RIMS2: variants seen among roughly 807,000 people sequenced by gnomAD.
RIMS2 encodes regulating synaptic membrane exocytosis 2, also known as regulating synaptic membrane exocytosis protein 2.
Under a neutral mutation model 174.4 loss-of-function variants are expected in RIMS2, and 59 were observed. That is an observed-to-expected ratio of 0.34 (90% CI 0.27 to 0.42). RIMS2 has a LOEUF of 0.42. Ranked by LOEUF, RIMS2 falls within the 10% of genes least tolerant of loss-of-function variation. RIMS2 has a pLI of 1.00. For missense variants in RIMS2, 1,620 were observed against 1,666.3 expected, an observed-to-expected ratio of 0.97 and a Z score of 0.48; for synonymous variants, 606 against 572.5, an observed-to-expected ratio of 1.06 and a Z score of -0.84.
At chr8:103,570,957 C>G (rs958980182) in intron 1 of RIMS2, among the ~76,000 whole-genome samples, 1 of 152,154 alleles carries the variant, frequency 6.6e-6, no homozygotes, top group Non-Finnish European at 1.5e-5. Flanking sequence ...ATACCAATGA[C>G]ACAAAATAAA....
At chr8:104,241,447 C>A (rs527874494) in intron 19 of RIMS2, among the ~76,000 whole-genome samples, 2 of 152,160 alleles carry the variant, frequency 1.3e-5, no homozygotes, top group Non-Finnish European at 2.9e-5. Flanking sequence ...TGCTGGTTCT[C>A]ATAACCCTAT....
chr8:104,089,096 A>T (rs1425152790), intron 19 of RIMS2, among the ~76,000 whole-genome samples: 1 of 151,950 alleles, frequency 6.6e-6, no homozygotes, highest in Non-Finnish European at 1.5e-5. Flanking sequence ...AATGATCTTT[A>T]ATCGGAGCAC....
chr8:103,632,671 T>C (rs1455465010), intron 1 of RIMS2, among the ~76,000 whole-genome samples: 1 of 151,884 alleles, frequency 6.6e-6, no homozygotes, highest in Non-Finnish European at 1.5e-5. Flanking sequence ...CCTGCCCACC[T>C]TGGCCTCCCA....
chr8:103,525,189 G>A (rs977903761), intron 1 of RIMS2, among the ~76,000 whole-genome samples: 16 of 151,786 alleles, frequency 1.1e-4, no homozygotes, highest in Admixed American at 1.0e-3. Flanking sequence ...TCTTTTTTTT[G>A]TGGTCAAATG....
At chr8:104,154,508 T>C (rs1184858004) in intron 19 of RIMS2, among the ~76,000 whole-genome samples, 1 of 152,250 alleles carries the variant, frequency 6.6e-6, no homozygotes, top group Non-Finnish European at 1.5e-5. Context: ...GATTACTGGA[T>C]AGCACAGTTA....
At chr8:103,737,555 T>C (rs1320025285) in intron 2 of RIMS2, among the ~76,000 whole-genome samples, 1 of 152,104 alleles carries the variant, frequency 6.6e-6, no homozygotes, top group Non-Finnish European at 1.5e-5. Flanking sequence ...TAGGATGGTA[T>C]TTTTCAAAAT....
chr8:103,527,017 A>G (rs1404539860), intron 1 of RIMS2, among the ~76,000 whole-genome samples: 1 of 152,216 alleles, frequency 6.6e-6, no homozygotes, highest in Non-Finnish European at 1.5e-5. Flanking sequence ...CCAGAGGGAA[A>G]ATGTAGCCAT....
chr8:104,060,252 G>A (rs1198712431), intron 19 of RIMS2, among the ~76,000 whole-genome samples: 21 of 150,894 alleles, frequency 1.4e-4, no homozygotes, highest in African/African-American at 4.9e-4. Context: ...TTCAGAGCCT[G>A]TTATTGGTCT....
At chr8:103,890,749 A>G (rs2099239370) in intron 4 of RIMS2, among the ~76,000 whole-genome samples, 1 of 151,926 alleles carries the variant, frequency 6.6e-6, no homozygotes, top group Non-Finnish European at 1.5e-5. Flanking sequence ...CTAATGTCAT[A>G]GTATTTCTGA....
chr8:104,106,037 C>CAAAAAAAAAAAAAAA (rs575916023), intron 19 of RIMS2, among the ~76,000 whole-genome samples: 19 of 56,914 alleles, frequency 3.3e-4, no homozygotes, highest in East Asian at 1.8e-3. Flanking sequence ...GACTCTGCCA[C>CAAAAAAAAAAAAAAA]AAAAAAAAAA....
chr8:103,767,766 G>A (rs1475280313), intron 3 of RIMS2, among the ~76,000 whole-genome samples: 1 of 152,186 alleles, frequency 6.6e-6, no homozygotes, highest in Non-Finnish European at 1.5e-5. Flanking sequence ...GACTGCACCA[G>A]TTCTTTTGCA....
chr8:103,869,070 C>A (rs1412718392), intron 3 of RIMS2, among the ~76,000 whole-genome samples: 3 of 151,882 alleles, frequency 2.0e-5, no homozygotes, highest in Non-Finnish European at 4.4e-5. Context: ...GATAGTTTCC[C>A]TGATATATGC....
intron 19 of RIMS2, among the ~76,000 whole-genome samples, chr8:104,184,203 A>G (rs1263472846): frequency 1.3e-5 from 2 of 151,698 alleles, no homozygotes; most frequent in Non-Finnish European, 3.0e-5. Flanking sequence ...AAACAAAGTA[A>G]CAATGTTATT....
At chr8:104,206,674 C>A (rs778700727) in intron 19 of RIMS2, among the ~76,000 whole-genome samples, 18 of 152,322 alleles carry the variant, frequency 1.2e-4, no homozygotes, top group South Asian at 2.1e-4. Context: ...CCAAGCATGG[C>A]TTACAGCTAG....
intron 19 of RIMS2, among the ~76,000 whole-genome samples, chr8:104,163,769 C>A (rs2441874): frequency 6.6e-6 from 1 of 151,980 alleles, no homozygotes; most frequent in East Asian, 1.9e-4. Context: ...TGGTTTTGAT[C>A]TTGTAATGTG....
intron 1 of RIMS2, among the ~76,000 whole-genome samples, chr8:103,503,083 T>G (rs796340706): frequency 1.3e-5 from 2 of 151,964 alleles, no homozygotes; most frequent in South Asian, 4.1e-4. Context: ...TAAATACATA[T>G]TCATACAATC....
chr8:103,692,716 C>T (rs1279080592), intron 1 of RIMS2, among the ~76,000 whole-genome samples: 1 of 152,190 alleles, frequency 6.6e-6, no homozygotes, highest in Non-Finnish European at 1.5e-5. Flanking sequence ...GGGGGCCTCA[C>T]AACTCTGCCT....
At chr8:103,947,807 A>G (rs958615063) in intron 14 of RIMS2, among the ~76,000 whole-genome samples, 2 of 152,164 alleles carry the variant, frequency 1.3e-5, no homozygotes, top group African/African-American at 2.4e-5. Context: ...TTATACTGTG[A>G]CATTGTGATG....
chr8:104,109,337 C>T (rs9650012), intron 19 of RIMS2, among the ~76,000 whole-genome samples: 35,122 of 150,584 alleles, frequency 0.23, 4,403 homozygotes, highest in African/African-American at 0.33. Context: ...CTCTAAGTCC[C>T]CCAAAAACAT....
Sources: gnomAD v4.1 joint callset for allele counts (sites outside exome capture counted in the v4.1 genomes callset) on GRCh38, gnomAD v4.1.1 for gene constraint, MANE v1.5 for transcripts, NCBI Gene and HGNC (gene_info 2026-07-23, HGNC 2026-07-21) for gene names.